Variants in PGS1 observed in about 807,000 individuals in gnomAD.
PGS1 encodes the protein CDP-diacylglycerol--glycerol-3-phosphate 3-phosphatidyltransferase, mitochondrial.
Under a neutral mutation model 58.3 loss-of-function variants are expected in PGS1, and 44 were observed. The observed-to-expected ratio is 0.75, with a 90% confidence interval of 0.59 to 0.97. PGS1 has a LOEUF of 0.97. PGS1 is among the 50% of genes least tolerant of loss of function. The pLI, the probability that PGS1 is intolerant of heterozygous loss-of-function variation, is 0.00. For missense variants in PGS1, 684 were observed against 731.1 expected (o/e 0.94, Z 0.74); for synonymous variants, 330 against 311.0 (o/e 1.06, Z -0.64).
chr17:78,424,241 G>A lies in PGS1; in HGVS notation c.*191G>A, dbSNP rs752796720. 153 of 1,471,502 alleles carry A rather than the reference G, an allele frequency of 1.0e-4. No homozygotes were observed. The highest frequency in any genetic ancestry group is 1.5e-4 in the African/African-American group (11 of 71,914). The allele number at this position is 1,471,502 out of a possible 1,614,324, so 91.2% of individuals were successfully genotyped here. A position where few individuals can be genotyped will look rare whatever the true frequency, so the allele number is the denominator to read the frequency against. Reference sequence around the variant, plus strand: ...GAAGGGTGGGGTCCTCACACTCCCCGCCCTCTGCAGAGCTGGGCTCTACCC... The same window carrying A: ...GAAGGGTGGGGTCCTCACACTCCCCACCCTCTGCAGAGCTGGGCTCTACCC... On this transcript the variant is annotated 3_prime_UTR_variant, in exon 10 of 10. Transcript: ENST00000262764.
intron 1 of PGS1, among the ~76,000 whole-genome samples, chr17:78,379,531 A>G (rs1012943312): frequency 2.7e-4 from 41 of 152,058 alleles, no homozygotes; most frequent in African/African-American, 8.9e-4. Context: ...AAAAAAGGGG[A>G]TAAATAATTC....
At chr17:78,401,859 A>G (rs2083692343) in intron 6 of PGS1, among the ~76,000 whole-genome samples, 1 of 151,250 alleles carries the variant, frequency 6.6e-6, no homozygotes. Flanking sequence ...AGCCTAAAAT[A>G]TTTACCATCT....
chr17:78,413,275 G>A (rs138850411), intron 7 of PGS1, among the ~76,000 whole-genome samples: 13 of 152,212 alleles, frequency 8.5e-5, no homozygotes, highest in African/African-American at 2.2e-4. Context: ...TTAGGAAACC[G>A]TCTTCTATTT....
Position 78,424,292 on chromosome 17 carries a change from G to A in PGS1, c.*242G>A, listed in dbSNP as rs12942703. Reference sequence around the variant, plus strand: ...CAAAAGGCTTCAGGCCAGCTGCCACGGCTGGAAGCAGAGGCCTTCGTAGGT... The same window carrying A: ...CAAAAGGCTTCAGGCCAGCTGCCACAGCTGGAAGCAGAGGCCTTCGTAGGT... On this transcript the variant is annotated 3_prime_UTR_variant, in exon 10 of 10. Coordinates refer to ENST00000262764, the MANE Select transcript of PGS1 (RefSeq NM_024419.5). The A allele has an allele frequency of 0.84, 919,824 of 1,101,002 alleles. 385,741 individuals carry two copies. Among genetic ancestry groups the A allele is most frequent in the East Asian group, 0.98 (37,588 of 38,440 alleles). 68.2% of individuals were successfully genotyped at this position (1,101,002 alleles called of 1,614,324 possible).
intron 9 of PGS1, chr17:78,420,338 T>A (rs2085602145): frequency 1.7e-6 from 1 of 575,226 alleles, no homozygotes; most frequent in South Asian, 7.5e-5. Context: ...CCCTGGACTG[T>A]CTTGACGCCT....
rs1227422521 is a variant in PGS1 at position 78,415,040 on chromosome 17, A to C, written c.1551+13A>C. Reference sequence around the variant, plus strand: ...GCAGCTTCACCAGGTTGGTCGCAGCAAGTGGGATTTCCCAGGGCGCTGAGG... The same window carrying C: ...GCAGCTTCACCAGGTTGGTCGCAGCCAGTGGGATTTCCCAGGGCGCTGAGG... On this transcript the variant is annotated intron_variant, in intron 8 of 9. Transcript: ENST00000262764. 6.2e-7 allele frequency: 1 copy of C among 1,609,322 alleles called. No individual in the cohort carries two copies. The highest frequency in any genetic ancestry group is 1.3e-5 in the African/African-American group (1 of 74,370).
At chr17:78,416,810 G>A (rs1006830486) in intron 8 of PGS1, among the ~76,000 whole-genome samples, 29 of 152,096 alleles carry the variant, frequency 1.9e-4, no homozygotes, top group African/African-American at 6.5e-4. Flanking sequence ...ATACTGGGAC[G>A]GCAGCTGCTC....
At chr17:78,398,052 G>C (rs1467747119) in intron 3 of PGS1, 200 bp from the exon 4 acceptor site, 1 of 648,032 alleles carries the variant, frequency 1.5e-6, no homozygotes, top group African/African-American at 1.8e-5. Context: ...GGCCGATCAG[G>C]CCCCTGGGTG....
intron 7 of PGS1, among the ~76,000 whole-genome samples, chr17:78,411,645 C>T (rs1453411481): frequency 6.6e-6 from 1 of 152,212 alleles, no homozygotes; most frequent in Non-Finnish European, 1.5e-5. Context: ...TGCTGCACGT[C>T]TCCCTCATCT....
chr17:78,394,170 TCC>T (rs66872902), intron 2 of PGS1, among the ~76,000 whole-genome samples: 46,838 of 73,420 alleles, frequency 0.64, 19,151 homozygotes, highest in Admixed American at 0.72. Context: ...AGACTCTATC[TCC>T]CAAAAAAAAA....
At chr17:78,381,282 T>C (rs911656610) in intron 1 of PGS1, among the ~76,000 whole-genome samples, 1 of 152,154 alleles carries the variant, frequency 6.6e-6, no homozygotes, top group Non-Finnish European at 1.5e-5. Flanking sequence ...CTGAGAGAGA[T>C]GATTGTTTCT....
At chr17:78,396,241 G>A in intron 2 of PGS1, 67 bp from the exon 3 acceptor site, 1 of 1,209,070 alleles carries the variant, frequency 8.3e-7, no homozygotes, top group Admixed American at 1.7e-5. Flanking sequence ...CCAGGTCAAA[G>A]GGTTCTGTTT....
At chr17:78,419,712 C>T (rs368416570) in intron 9 of PGS1, 37 bp downstream of exon 9, 135 of 1,608,922 alleles carry the variant, frequency 8.4e-5, no homozygotes, top group Non-Finnish European at 1.1e-4. Context: ...CACGATTTTC[C>T]CGAGAGTTCA....
chr17:78,422,303 G>A (rs1011534634), intron 9 of PGS1, among the ~76,000 whole-genome samples: 4 of 152,134 alleles, frequency 2.6e-5, no homozygotes, highest in African/African-American at 4.8e-5. Flanking sequence ...TTCCTTGGGC[G>A]CCAGGAGGGG....
intron 1 of PGS1, among the ~76,000 whole-genome samples, chr17:78,390,319 CG>C (rs1011500944): frequency 1.3e-4 from 11 of 87,798 alleles, no homozygotes; most frequent in South Asian, 3.3e-4. Context: ...CCTCTAGAGA[CG>C]GGGGTGGGGG....
At chr17:78,393,718 C>A (rs1030339328) in intron 2 of PGS1, among the ~76,000 whole-genome samples, 1 of 152,130 alleles carries the variant, frequency 6.6e-6, no homozygotes, top group African/African-American at 2.4e-5. Context: ...TGCCTTTCCT[C>A]TCCTGGTAGT....
intron 1 of PGS1, among the ~76,000 whole-genome samples, chr17:78,391,135 A>T (rs965648102): frequency 6.6e-6 from 1 of 151,832 alleles, no homozygotes; most frequent in Non-Finnish European, 1.5e-5. Flanking sequence ...TTTAGTAGAG[A>T]TGGGGTTTCA....
At chr17:78,388,802 C>G (rs533555412) in intron 1 of PGS1, among the ~76,000 whole-genome samples, 3 of 148,410 alleles carry the variant, frequency 2.0e-5, no homozygotes, top group Admixed American at 2.0e-4. Context: ...TTTTTGATGC[C>G]TTGAAGCACA....
At chr17:78,401,034 G>T (rs1482416438) in intron 6 of PGS1, among the ~76,000 whole-genome samples, 179 bp downstream of exon 6, 1 of 152,148 alleles carries the variant, frequency 6.6e-6, no homozygotes, top group African/African-American at 2.4e-5. Flanking sequence ...CATGCTCTGT[G>T]GGTGAGAGAG....
Sources: gnomAD v4.1 joint callset for allele counts (sites outside exome capture counted in the v4.1 genomes callset) on GRCh38, gnomAD v4.1.1 for gene constraint, MANE v1.5 for transcripts, NCBI Gene and HGNC (gene_info 2026-07-23, HGNC 2026-07-21) for gene names.